Variants in TCN1 observed in about 807,000 individuals in gnomAD.
TCN1 encodes transcobalamin 1.
In TCN1, 47 loss-of-function variants were observed where a neutral mutation model predicts 46.3. That is an observed-to-expected ratio of 1.01 (90% confidence interval 0.80 to 1.29). The LOEUF is 1.29. Among genes scored for constraint, TCN1 ranks in the 50% most tolerant of loss-of-function variants. The pLI is 0.00. For synonymous variants in TCN1, 183 were observed against 192.5 expected (o/e 0.95, Z 0.41); for missense variants, 532 against 511.0 (o/e 1.04, Z -0.40).
intron 5 of TCN1, among the ~76,000 whole-genome samples, chr11:59,857,147 C>T (rs1201468736): frequency 6.6e-6 from 1 of 152,144 alleles, no homozygotes; most frequent in African/African-American, 2.4e-5. Flanking sequence ...TATTCACATA[C>T]ATAACAATAA....
intron 7 of TCN1, among the ~76,000 whole-genome samples, chr11:59,853,537 G>A (rs78136883): frequency 6.6e-6 from 1 of 152,108 alleles, no homozygotes; most frequent in African/African-American, 2.4e-5. Flanking sequence ...TCTAATGCAG[G>A]CACTCCACAC....
Position 59,861,627 on chromosome 11 carries a change from C to A in TCN1, c.456G>T (p.Leu152Phe), listed in dbSNP as rs757183008. The change falls in exon 4 of 9, where the codon TTG becomes TTT. Residue 152 changes from leucine to phenylalanine, a missense_variant. By Grantham distance (22) the Leu-to-Phe change is conservative. Coordinates refer to ENST00000257264, the MANE Select transcript of TCN1 (RefSeq NM_001062.4). Reference protein sequence around the residue: ...TNYYQLSLDVLALCLFNGNYS... With the variant: ...TNYYQLSLDVFALCLFNGNYS... Reference sequence around the variant, plus strand: ...AGTTCCCATTGAACAGACACAAGGCCAAAACGTCCAGGCTGAGCTGGTAGT... The same window carrying A: ...AGTTCCCATTGAACAGACACAAGGCAAAAACGTCCAGGCTGAGCTGGTAGT... 3.1e-6 allele frequency: 5 copies of A among 1,613,982 alleles called. No individual in the cohort carries two copies. The highest frequency in any genetic ancestry group is 3.3e-5 in the Admixed American group (2 of 60,000).
intron 4 of TCN1, among the ~76,000 whole-genome samples, chr11:59,860,337 G>A (rs984909886): frequency 5.3e-5 from 8 of 151,366 alleles, no homozygotes; most frequent in Admixed American, 2.6e-4. Flanking sequence ...CCATGTTGGC[G>A]AGGCTGGTCT....
chr11:59,865,421 C>G (rs1362482630), intron 1 of TCN1, among the ~76,000 whole-genome samples: 1 of 152,064 alleles, frequency 6.6e-6, no homozygotes, highest in East Asian at 1.9e-4. Context: ...TAGCCATTCC[C>G]TATTCTTAGG....
Position 59,866,435 on chromosome 11 carries a change from G to A in TCN1, c.36C>T (p.Leu12=), listed in dbSNP as rs762561760. The change falls in exon 1 of 9, where the codon CTC becomes CTT. Residue 12 remains leucine, a synonymous_variant. Transcript: ENST00000257264. ...GGCTTGGAATAAAAGAAAACAGTAAGAGCCCCACTAGGGGCAGCTGGTGTG... is the reference window on the plus strand; with the variant it reads ...GGCTTGGAATAAAAGAAAACAGTAAAAGCCCCACTAGGGGCAGCTGGTGTG... ...RQSHQLPLVG[L]LLFSFIPSQL... 2.2e-5 allele frequency: 36 copies of A among 1,613,508 alleles called. No homozygotes were observed. In the South Asian group the frequency reaches 4.0e-4, roughly 18 times the overall value.
chr11:59,861,408 G>C, intron 4 of TCN1, 119 bp downstream of exon 4: 1 of 1,120,150 alleles, frequency 8.9e-7, no homozygotes, highest in Non-Finnish European at 1.4e-6. Flanking sequence ...CTTTTGAGGG[G>C]ACTAGAGCAA....
rs1425049204 is a variant in TCN1, at chr11:59,853,335, C to G, written c.1122-14G>C. 1.2e-6 allele frequency: 2 copies of G among 1,609,172 alleles called. No individual in the cohort carries two copies. The highest frequency in any genetic ancestry group is 2.7e-5 in the African/African-American group (2 of 74,828). The stretch of plus-strand genomic sequence containing the variant: ...TCCATTGTGAAACTGTGGGTGACAG[C>G]AAGTAGGTTACTGGAACTTAGAATT... On this transcript the variant is annotated splice_polypyrimidine_tract_variant and intron_variant, in intron 7 of 8. Coordinates refer to ENST00000257264, the MANE Select transcript of TCN1 (RefSeq NM_001062.4).
At position 59,858,971 on chromosome 11, in the gene TCN1, T is replaced by G. The variant is rs931856613; in HGVS notation, c.747+106A>C. 3 of 1,342,232 alleles carry G rather than the reference T, an allele frequency of 2.2e-6. No homozygotes were observed. The African/African-American group carries it at 4.4e-5, about 19-fold the overall frequency. The allele number at this position is 1,342,232 out of a possible 1,614,324, so 83.1% of individuals were successfully genotyped here. A position where few individuals can be genotyped will look rare whatever the true frequency, so the allele number is the denominator to read the frequency against. ...TGAGCTGAGCTCGCACCATTGCAAC[T>G]CCAGCCTGGGCAACAAGAGCGAAGC... On this transcript the variant is annotated intron_variant, in intron 5 of 8. Transcript: ENST00000257264.
intron 7 of TCN1, among the ~76,000 whole-genome samples, chr11:59,853,865 T>A (rs1246873018): frequency 6.6e-6 from 1 of 152,238 alleles, no homozygotes; most frequent in East Asian, 1.9e-4. Context: ...GCCTTTATAA[T>A]GTATATTATA....
intron 4 of TCN1, among the ~76,000 whole-genome samples, chr11:59,859,984 A>G (rs1852999310): frequency 6.6e-6 from 1 of 152,222 alleles, no homozygotes; most frequent in South Asian, 2.1e-4. Flanking sequence ...GAAAGCATCT[A>G]AGAACTTGCC....
chr11:59,853,290 AG>A lies in TCN1; in HGVS notation c.1152del (p.Tyr385IlefsTer21). On this transcript the variant is annotated frameshift_variant, in exon 8 of 9. Transcript: ENST00000257264. LOFTEE classifies it high-confidence loss of function. ...GFTMEERSWG[P>X]YITCIQGLCA... ...CATAGGCCCTGAATACAGGTGATATAGGGCCCCCATGAGCGCTCCTCCATTG... is the reference window on the plus strand; with the variant it reads ...CATAGGCCCTGAATACAGGTGATATAGGCCCCCATGAGCGCTCCTCCATTG... The A allele has an allele frequency of 6.2e-7, 1 of 1,614,100 alleles. No homozygotes were observed. The highest frequency in any genetic ancestry group is 8.5e-7 in the Non-Finnish European group (1 of 1,179,992).
At chr11:59,864,731 G>A (rs1290103771) in intron 1 of TCN1, among the ~76,000 whole-genome samples, 1 of 152,150 alleles carries the variant, frequency 6.6e-6, no homozygotes. Context: ...TACTGTGGAA[G>A]TAGGAAAATC....
chr11:59,855,838 C>T (rs765433761), intron 6 of TCN1, 31 bp downstream of exon 6: 7 of 1,612,368 alleles, frequency 4.3e-6, no homozygotes, highest in East Asian at 4.5e-5. Flanking sequence ...TGGTGAAAAG[C>T]GAAACAGTGT....
At chr11:59,860,699 C>G (rs1418054264) in intron 4 of TCN1, among the ~76,000 whole-genome samples, 3 of 151,976 alleles carry the variant, frequency 2.0e-5, no homozygotes, top group Non-Finnish European at 2.9e-5. Flanking sequence ...GAGTTGTTGC[C>G]CAGTAAACCT....
intron 6 of TCN1, among the ~76,000 whole-genome samples, chr11:59,855,440 G>A (rs575966677): frequency 1.3e-5 from 2 of 152,282 alleles, no homozygotes; most frequent in South Asian, 4.1e-4. Context: ...TTTTGAATAA[G>A]TAATGCATGC....
chr11:59,858,931 A>G (rs904711732), intron 5 of TCN1, 146 bp downstream of exon 5: 3 of 875,778 alleles, frequency 3.4e-6, no homozygotes, highest in Middle Eastern at 2.7e-4. Context: ...TGAACTCGGG[A>G]GGCGGAGGTC....
intron 3 of TCN1, among the ~76,000 whole-genome samples, 192 bp from the exon 4 acceptor site, chr11:59,861,874 C>G (rs1018250789): frequency 6.6e-6 from 1 of 152,168 alleles, no homozygotes; most frequent in Admixed American, 6.5e-5. Flanking sequence ...AAATTCCGCT[C>G]AATTTCTTTC....
chr11:59,857,429 C>T (rs191227579), intron 5 of TCN1, among the ~76,000 whole-genome samples: 1 of 152,270 alleles, frequency 6.6e-6, no homozygotes, highest in Non-Finnish European at 1.5e-5. Flanking sequence ...TAAATAGTAA[C>T]AACAACAATA....
In TCN1 at chr11:59,855,912, G is replaced by A. The variant is rs1322609967; in HGVS notation, c.894C>T (p.Thr298=). 4 of 1,613,856 alleles carry A rather than the reference G, an allele frequency of 2.5e-6. No individual in the cohort carries two copies. The highest frequency in any genetic ancestry group is 1.7e-4 in the Middle Eastern group (1 of 6,056). ...AQVLPALMGK[T]FLDINKDSSC... Reference sequence around the variant, plus strand: ...AAGAGTCTTTGTTAATATCCAAGAAGGTCTTTCCCATCAGGGCAGGTAAGA... The same window carrying A: ...AAGAGTCTTTGTTAATATCCAAGAAAGTCTTTCCCATCAGGGCAGGTAAGA... The change falls in exon 6 of 9, where the codon ACC becomes ACT. Residue 298 remains threonine, a synonymous_variant. Transcript: ENST00000257264.
Sources: gnomAD v4.1 joint callset for allele counts (sites outside exome capture counted in the v4.1 genomes callset) on GRCh38, gnomAD v4.1.1 for gene constraint, MANE v1.5 for transcripts, NCBI Gene and HGNC (gene_info 2026-07-23, HGNC 2026-07-21) for gene names.